The following RUSC1 variants were observed in gnomAD, a reference collection of about 807,000 sequenced individuals.
RUSC1 encodes AP-4 complex accessory subunit RUSC1.
Under a neutral mutation model 72.1 loss-of-function variants are expected in RUSC1, and 40 were observed. The observed-to-expected ratio is 0.55, with a 90% CI of 0.43 to 0.72. The LOEUF (loss-of-function observed/expected upper bound fraction) is 0.72, where lower values mean the gene tolerates loss of function less well. Ranked by LOEUF, RUSC1 falls within the 30% of genes least tolerant of loss-of-function variation. The probability of loss-of-function intolerance (pLI) is 0.00; values close to 1 mark genes in which losing one functional copy is unlikely to be tolerated. For synonymous variants in RUSC1, 512 were observed against 494.2 expected (o/e 1.04, Z -0.48); for missense variants, 1,092 against 1,172.3 (o/e 0.93, Z 1.00).
chr1:155,323,124 C>T lies in RUSC1; in HGVS notation c.1351C>T (p.Leu451=). The change falls in exon 2 of 10, where the codon CTG becomes TTG. Residue 451 remains leucine (L), a synonymous_variant. Transcript: ENST00000368352. ...GAAGGAGCCGGGCGCGCAGGCCGGC[C>T]TGGAGGGTAAGAGGTCGCAAGAAGC... is the stretch of plus-strand genomic sequence containing the variant. ...AAKEPGAQAG[L]EVRSSWSFAG... The T allele has an allele frequency of 2.8e-6, 4 of 1,417,550 alleles. No homozygotes were observed. Among genetic ancestry groups the T allele is most frequent in the Non-Finnish European group, 3.7e-6 (4 of 1,091,946 alleles). 87.8% of individuals were successfully genotyped at this position (1,417,550 alleles called of 1,614,324 possible).
At position 155,321,779 on chromosome 1, in the gene RUSC1, G is replaced by A. The variant is rs1650559197; in HGVS notation, c.6G>A (p.Leu2=). 6.2e-7 allele frequency: 1 copy of A among 1,613,920 alleles called. No homozygotes were observed. The highest frequency in any genetic ancestry group is 8.5e-7 in the Non-Finnish European group (1 of 1,180,000). ...ATCCCATCGCCGCTAGCATCATGCT[G>A]TCCCCTCAGAGAGCTTTACTCTGCA... is the stretch of plus-strand genomic sequence containing the variant. The part of the protein sequence containing the change: M[L]SPQRALLCNL... Residue 2 remains leucine (L), a synonymous_variant, in exon 2 of 10, where the codon CTG becomes CTA. Coordinates refer to ENST00000368352, the MANE Select transcript of RUSC1 (RefSeq NM_001105203.2).
intron 2 of RUSC1, chr1:155,323,546 T>C (rs1570891912): frequency 6.5e-6 from 1 of 154,006 alleles, no homozygotes; most frequent in East Asian, 1.9e-4. Context: ...CTGCGGCTGC[T>C]GGGGGCGCCG....
chr1:155,324,211 G>A, intron 2 of RUSC1: 1 of 1,416,622 alleles, frequency 7.1e-7, no homozygotes, highest in Non-Finnish European at 9.2e-7. Flanking sequence ...GGTGGAGGGT[G>A]AAGCTCCCGG....
Position 155,321,987 on chromosome 1 carries a change from C to T in RUSC1, c.214C>T (p.Arg72Trp), listed in dbSNP as rs1208312962. Residue 72 changes from arginine (R) to tryptophan (W), a missense_variant, in exon 2 of 10, where the codon CGG (arginine) becomes TGG (tryptophan). Arg to Trp is a moderately radical substitution (Grantham distance 101, BLOSUM62 -3). Transcript: ENST00000368352. Reference sequence around the variant, plus strand: ...TTCCAACAGCCCAGCTGTGCCCTGCCGGTGCTGCCAGGAGCACGGTCCGGG... The same window carrying T: ...TTCCAACAGCCCAGCTGTGCCCTGCTGGTGCTGCCAGGAGCACGGTCCGGG... Reference protein sequence around the residue: ...ANSNSPAVPCRCCQEHGPGLE... With the variant: ...ANSNSPAVPCWCCQEHGPGLE... The T allele has an allele frequency of 6.3e-7, 1 of 1,599,390 alleles. No homozygotes were observed. Among genetic ancestry groups the T allele is most frequent in the Non-Finnish European group, 8.5e-7 (1 of 1,171,848 alleles).
Position 155,322,689 on chromosome 1 carries a change from G to A in RUSC1, c.916G>A (p.Glu306Lys). 1.2e-6 allele frequency: 2 copies of A among 1,614,252 alleles called. No individual in the cohort carries two copies. Among genetic ancestry groups the A allele is most frequent in the East Asian group, 2.2e-5 (1 of 44,878 alleles). The change falls in exon 2 of 10, where the codon GAG becomes AAG. Residue 306 changes from glutamate to lysine, a missense_variant. Transcript: ENST00000368352. ...AGGATGGAGAAGTGACGTCAGCGAG[G>A]AGCCGGTGCCCCACCGGACAATCAC... is the stretch of plus-strand genomic sequence containing the variant. The part of the protein sequence containing the change: ...DGGWRSDVSE[E>K]PVPHRTITSF...
In RUSC1 at chr1:155,321,485, C is replaced by A. The variant is rs760835479; in HGVS notation, c.-86-203C>A. 4.1e-6 allele frequency: 6 copies of A among 1,480,156 alleles called. No individual in the cohort carries two copies. The South Asian group carries it at 7.1e-5, about 17-fold the overall frequency. The allele number at this position is 1,480,156 out of a possible 1,614,324, so 91.7% of individuals were successfully genotyped here. ...GCCGCGTTCTCTGACCCTCCCGGCT[C>A]CATTCCCGGGGGGTTACATTCGACT... On this transcript the variant is annotated intron_variant, in intron 1 of 9. Coordinates refer to ENST00000368352, the MANE Select transcript of RUSC1 (RefSeq NM_001105203.2).
chr1:155,323,510 C>T (rs1204434555), intron 2 of RUSC1: 1 of 163,922 alleles, frequency 6.1e-6, no homozygotes, highest in Non-Finnish European at 1.3e-5. Flanking sequence ...CTCCTGGCTC[C>T]TCTGGCCGGG....
In RUSC1 at chr1:155,325,486, G is replaced by A. The variant is rs1470548145; in HGVS notation, c.1704G>A (p.Lys568=). The part of the protein sequence containing the change: ...SPWSVVEASV[K]PGSSTRSLGT... The stretch of plus-strand genomic sequence containing the variant: ...GGAGCGTGGTGGAGGCGTCGGTGAA[G>A]CCAGGTGAGCCAGGAGGGCGTGGGA... The change falls in exon 5 of 10, where the codon AAG becomes AAA. Residue 568 remains lysine (K), a synonymous_variant. Coordinates refer to ENST00000368352, the MANE Select transcript of RUSC1 (RefSeq NM_001105203.2). This position sits in a 1 kb window ranked among gnomAD's most constrained non-coding sequence, Gnocchi z 6.5. 2 of 1,595,748 alleles carry A rather than the reference G, an allele frequency of 1.3e-6. No homozygotes were observed. Among genetic ancestry groups the A allele is most frequent in the South Asian group, 1.1e-5 (1 of 90,200 alleles).
rs1650592342 is a variant in RUSC1, at chr1:155,321,959, C to T, written c.186C>T (p.Ala62=). 2 of 1,599,912 alleles carry T rather than the reference C, an allele frequency of 1.3e-6. No homozygotes were observed. The highest frequency in any genetic ancestry group is 2.2e-5 in the South Asian group (2 of 89,098). The change falls in exon 2 of 10, where the codon GCC becomes GCT. Residue 62 remains alanine (A), a synonymous_variant. Coordinates refer to ENST00000368352, the MANE Select transcript of RUSC1 (RefSeq NM_001105203.2). ...CCTGCAGTGGCACCCTGGTGGACGC[C>T]AATTCCAACAGCCCAGCTGTGCCCT... is the stretch of plus-strand genomic sequence containing the variant. ...RGPCSGTLVD[A]NSNSPAVPCR... is the part of the protein sequence containing the mutation.
In RUSC1 at chr1:155,328,009, C is replaced by T. The variant is rs954811525; in HGVS notation, c.2415-141C>T. 23 of 1,052,922 alleles carry T rather than the reference C, an allele frequency of 2.2e-5. 1 individual carries two copies. The African/African-American group carries it at 3.0e-4, about 14-fold the overall frequency. 65.2% of individuals were successfully genotyped at this position (1,052,922 alleles called of 1,614,324 possible). On this transcript the variant is annotated intron_variant, in intron 8 of 9. Coordinates refer to ENST00000368352, the MANE Select transcript of RUSC1 (RefSeq NM_001105203.2). ...AAAAGTGCCTGTGTCCAATAATGAACACTCTGCCCTCAGCAGTGACTAACC... is the reference window on the plus strand; with the variant it reads ...AAAAGTGCCTGTGTCCAATAATGAATACTCTGCCCTCAGCAGTGACTAACC...
In RUSC1 at chr1:155,325,622, G is replaced by A; in HGVS notation, c.1764G>A (p.Pro588=). ...ATAGCCAGGTCAGCCGTCTAGCCCC[G>A]CTGAGCAGCAGCCGTAGCCGCTTCC... ...TLYSQVSRLA[P]LSSSRSRFHA... The change falls in exon 6 of 10, where the codon CCG becomes CCA. Residue 588 remains proline, a synonymous_variant. Coordinates refer to ENST00000368352, the MANE Select transcript of RUSC1 (RefSeq NM_001105203.2). The surrounding 1 kb of genome is among the most constrained non-coding windows in gnomAD (Gnocchi z 6.5). 6.2e-7 allele frequency: 1 copy of A among 1,613,152 alleles called. No individual in the cohort carries two copies. The highest frequency in any genetic ancestry group is 8.5e-7 in the Non-Finnish European group (1 of 1,179,990).
chr1:155,325,807 A>T lies in RUSC1; in HGVS notation c.1815-57A>T, dbSNP rs1212847338. On this transcript the variant is annotated intron_variant, in intron 6 of 9. Transcript: ENST00000368352. The surrounding 1 kb of genome is among the most constrained non-coding windows in gnomAD (Gnocchi z 6.5). Reference sequence around the variant, plus strand: ...CAATCTCATCTCCCATCCTCCACCCAGAGAGGACTGGAGTCCTCCACCTCC... The same window carrying T: ...CAATCTCATCTCCCATCCTCCACCCTGAGAGGACTGGAGTCCTCCACCTCC... The T allele has an allele frequency of 1.9e-6, 3 of 1,596,772 alleles. No individual in the cohort carries two copies. The highest frequency in any genetic ancestry group is 2.7e-5 in the African/African-American group (2 of 74,470).
chr1:155,322,126 C>G lies in RUSC1; in HGVS notation c.353C>G (p.Pro118Arg). 5 of 1,608,168 alleles carry G rather than the reference C, an allele frequency of 3.1e-6. No individual in the cohort carries two copies. The highest frequency in any genetic ancestry group is 4.3e-6 in the Non-Finnish European group (5 of 1,176,172). ...TCAGATCTTAGCCCCGATGAGTCCCCTGTCTCAGTCTACTTGCGGGACCTC... is the reference window on the plus strand; with the variant it reads ...TCAGATCTTAGCCCCGATGAGTCCCGTGTCTCAGTCTACTTGCGGGACCTC... ...SCSDLSPDES[P>R]VSVYLRDLPG... The change falls in exon 2 of 10, where the codon CCT becomes CGT. Residue 118 changes from proline (P) to arginine (R), a missense_variant. Physicochemically the swap from Pro to Arg is moderately radical, Grantham distance 103 (BLOSUM62 -2). Coordinates refer to ENST00000368352, the MANE Select transcript of RUSC1 (RefSeq NM_001105203.2).
At chr1:155,328,058 T>C in intron 8 of RUSC1, 92 bp from the exon 9 acceptor site, 1 of 1,495,148 alleles carries the variant, frequency 6.7e-7, no homozygotes, top group Admixed American at 2.1e-5. Context: ...GAACCACAAT[T>C]AGGCCCCTTA....
rs1651267701 is a variant in RUSC1, at chr1:155,325,509, G to C, written c.1708+19G>C. 6.2e-7 allele frequency: 1 copy of C among 1,600,920 alleles called. No individual in the cohort carries two copies. The highest frequency in any genetic ancestry group is 8.5e-7 in the Non-Finnish European group (1 of 1,176,512). On this transcript the variant is annotated intron_variant, in intron 5 of 9. Transcript: ENST00000368352. The surrounding 1 kb of genome is among the most constrained non-coding windows in gnomAD (Gnocchi z 6.5). ...AAGCCAGGTGAGCCAGGAGGGCGTG[G>C]GACCCGGCAGTGCGCAGGGCAGGGC...
chr1:155,328,898 A>C (rs942841029), intron 9 of RUSC1, among the ~76,000 whole-genome samples: 3 of 151,906 alleles, frequency 2.0e-5, no homozygotes, highest in Non-Finnish European at 2.9e-5. Flanking sequence ...GTGCCCAGCC[A>C]ATTTTTGTAT....
intron 2 of RUSC1, chr1:155,323,848 C>A: frequency 1.1e-6 from 1 of 931,648 alleles, no homozygotes; most frequent in Non-Finnish European, 1.3e-6. Flanking sequence ...CGGGCCACGC[C>A]TCAGGCGGGC....
chr1:155,324,781 G>C (rs1432782603), intron 2 of RUSC1, 64 bp from the exon 3 acceptor site: 1 of 1,611,038 alleles, frequency 6.2e-7, no homozygotes, highest in African/African-American at 1.3e-5. Context: ...AACTTGTGCG[G>C]GAGCCCGGAG....
chr1:155,326,930 C>G lies in RUSC1; in HGVS notation c.2212C>G (p.Arg738Gly). Residue 738 changes from arginine to glycine, a missense_variant, in exon 8 of 10, where the codon CGG becomes GGG. Arg to Gly is a moderately radical substitution (Grantham distance 125, BLOSUM62 -2). Coordinates refer to ENST00000368352, the MANE Select transcript of RUSC1 (RefSeq NM_001105203.2). This position sits in a 1 kb window ranked among gnomAD's most constrained non-coding sequence, Gnocchi z 4.7. ...GTGGGAGCAGTTGACCCAGGCCTCC[C>G]GGGTCTATGCCTCTGGGGGCACTGA... ...SWWEQLTQAS[R>G]VYASGGTEGF... 1 of 1,613,788 alleles carries G rather than the reference C, an allele frequency of 6.2e-7. No homozygotes were observed. The highest frequency in any genetic ancestry group is 8.5e-7 in the Non-Finnish European group (1 of 1,180,042).
Sources: gnomAD v4.1 joint callset for allele counts (sites outside exome capture counted in the v4.1 genomes callset) on GRCh38, gnomAD v4.1.1 for gene constraint, Gnocchi (gnomAD v3.1) non-coding constraint, MANE v1.5 for transcripts, NCBI Gene and HGNC (gene_info 2026-07-23, HGNC 2026-07-21) for gene names.